CCDC85C: variants seen among roughly 807,000 people sequenced by gnomAD.
The protein encoded by CCDC85C is coiled-coil domain containing 85C, also known as coiled-coil domain-containing protein 85C.
CCDC85C carries 18 observed loss-of-function variants against 38.3 expected under a neutral mutation model. That is an observed-to-expected ratio of 0.47 (90% CI 0.33 to 0.70). CCDC85C has a LOEUF of 0.70. Ranked by LOEUF, CCDC85C falls within the 30% of genes least tolerant of loss-of-function variation. CCDC85C has a pLI of 0.03. For missense variants in CCDC85C, 566 were observed against 621.2 expected (o/e 0.91, Z 0.94); for synonymous variants, 264 against 293.8 (o/e 0.90, Z 1.04).
At chr14:99,581,472 C>A (rs761840723) in intron 1 of CCDC85C, among the ~76,000 whole-genome samples, 6 of 152,254 alleles carry the variant, frequency 3.9e-5, no homozygotes, top group South Asian at 4.1e-4. Context: ...TCGCTCCCCC[C>A]ACCCATGGTC....
At chr14:99,562,877 GCACA>G (rs149834853) in intron 1 of CCDC85C, among the ~76,000 whole-genome samples, 10 of 151,106 alleles carry the variant, frequency 6.6e-5, no homozygotes, top group Admixed American at 2.6e-4. Flanking sequence ...ACACCCATAT[GCACA>G]CACACACACA....
Position 99,511,525 on chromosome 14 carries a change from T to C in CCDC85C, c.*3721A>G, listed in dbSNP as rs1292443180. Reference sequence around the variant, plus strand: ...AGCAGTTCTGAAACTATCCCTTTCTTTGTTATGGGTGGAAGGTGGGGCTCC... The same window carrying C: ...AGCAGTTCTGAAACTATCCCTTTCTCTGTTATGGGTGGAAGGTGGGGCTCC... On this transcript the variant is annotated 3_prime_UTR_variant, in exon 6 of 6. Transcript: ENST00000380243. 6.6e-6 allele frequency: 1 copy of C among 152,586 alleles called. No individual in the cohort carries two copies. Among genetic ancestry groups the C allele is most frequent in the Non-Finnish European group, 1.5e-5 (1 of 68,038 alleles). The allele number at this position is 152,586 out of a possible 1,614,324, so 9.5% of individuals were successfully genotyped here.
At chr14:99,526,529 AC>A (rs1198569970) in intron 2 of CCDC85C, among the ~76,000 whole-genome samples, 1 of 152,082 alleles carries the variant, frequency 6.6e-6, no homozygotes, top group African/African-American at 2.4e-5. Context: ...GAGAGGTGAG[AC>A]CCAGGGAGCA....
chr14:99,561,860 G>A (rs566932622), intron 1 of CCDC85C, among the ~76,000 whole-genome samples: 26 of 152,316 alleles, frequency 1.7e-4, no homozygotes, highest in African/African-American at 5.5e-4. Flanking sequence ...CCTGCGCTAC[G>A]GCGTTGGTGA....
Position 99,513,943 on chromosome 14 carries a change from A to C in CCDC85C, c.*1303T>G, listed in dbSNP as rs1314011577. 6.6e-6 allele frequency: 1 copy of C among 152,260 alleles called. No homozygotes were observed. Among genetic ancestry groups the C allele is most frequent in the Non-Finnish European group, 1.5e-5 (1 of 68,078 alleles). The allele number at this position is 152,260 out of a possible 1,614,324, so 9.4% of individuals were successfully genotyped here. ...CTTTACAGTTTATACATGGTCATTTACACTGAAGATCTCACTTGATGCCAG... is the reference window on the plus strand; with the variant it reads ...CTTTACAGTTTATACATGGTCATTTCCACTGAAGATCTCACTTGATGCCAG... On this transcript the variant is annotated 3_prime_UTR_variant, in exon 6 of 6. Transcript: ENST00000380243.
In CCDC85C at chr14:99,534,604, C is replaced by A. The variant is rs148568089; in HGVS notation, c.867+1411G>T. The A allele has an allele frequency of 1.8e-3, 1,297 of 702,186 alleles. 10 individuals are homozygous for A. In the African/African-American group the frequency reaches 0.02, roughly 11 times the overall value. The allele number at this position is 702,186 out of a possible 1,614,324, so 43.5% of individuals were successfully genotyped here. ...CCTCTCCTACACACTGCATGGGGAC[C>A]TTCTCCAAAGCAAAGGTCCCTAAGC... On this transcript the variant is annotated intron_variant, in intron 2 of 5. Coordinates refer to ENST00000380243, the MANE Select transcript of CCDC85C (RefSeq NM_001144995.2).
chr14:99,514,421 CAT>C lies in CCDC85C; in HGVS notation c.*823_*824del, dbSNP rs1443599051. On this transcript the variant is annotated 3_prime_UTR_variant, in exon 6 of 6. Transcript: ENST00000380243. ...CCAGTGCTGCCCATCAGGAAAATCA[CAT>C]GTGGCTCAGCCCAGAAACTCTCCCC... The C allele has an allele frequency of 6.6e-6, 1 of 152,430 alleles. No individual in the cohort carries two copies. The highest frequency in any genetic ancestry group is 1.5e-5 in the Non-Finnish European group (1 of 68,192). The allele number at this position is 152,430 out of a possible 1,614,324, so 9.4% of individuals were successfully genotyped here. A position where few individuals can be genotyped will look rare whatever the true frequency, so the allele number is the denominator to read the frequency against.
At chr14:99,547,643 G>A (rs1034290143) in intron 1 of CCDC85C, among the ~76,000 whole-genome samples, 10 of 151,862 alleles carry the variant, frequency 6.6e-5, no homozygotes, top group African/African-American at 1.7e-4. Context: ...GTATGGTGGC[G>A]GGCACCTGTA....
chr14:99,590,134 C>T (rs1451340787), intron 1 of CCDC85C, among the ~76,000 whole-genome samples: 1 of 152,228 alleles, frequency 6.6e-6, no homozygotes, highest in African/African-American at 2.4e-5. Context: ...AGAGTCTCTG[C>T]AGATCAGAGC....
intron 1 of CCDC85C, among the ~76,000 whole-genome samples, chr14:99,573,490 G>A (rs556071296): frequency 1.1e-4 from 16 of 152,292 alleles, no homozygotes; most frequent in African/African-American, 1.7e-4. Context: ...TTTGAGGTCC[G>A]GCGCTCCTCC....
At chr14:99,579,928 G>T in intron 1 of CCDC85C, 1 of 345,170 alleles carries the variant, frequency 2.9e-6, no homozygotes, top group South Asian at 2.0e-5. Flanking sequence ...CCCCCGTCTG[G>T]CTCAGTCCAA....
chr14:99,516,398 T>G lies in CCDC85C; in HGVS notation c.1072-112A>C. ...TGCTGCGAACCAAAGCTGAGGACCC[T>G]GAGCCGCTGGGCCCCTGGGGACAAG... On this transcript the variant is annotated intron_variant, in intron 4 of 5. Transcript: ENST00000380243. The surrounding 1 kb of genome is among the most constrained non-coding windows in gnomAD (Gnocchi z 5.5). The G allele has an allele frequency of 1.3e-6, 1 of 756,550 alleles. No homozygotes were observed. Among genetic ancestry groups the G allele is most frequent in the Non-Finnish European group, 2.2e-6 (1 of 452,138 alleles). The allele number at this position is 756,550 out of a possible 1,614,324, so 46.9% of individuals were successfully genotyped here. A position where few individuals can be genotyped will look rare whatever the true frequency, so the allele number is the denominator to read the frequency against.
intron 1 of CCDC85C, among the ~76,000 whole-genome samples, chr14:99,547,204 T>C (rs1245237386): frequency 6.6e-6 from 1 of 151,884 alleles, no homozygotes; most frequent in Non-Finnish European, 1.5e-5. Context: ...CTAAAAATCA[T>C]AAAATAATAA....
intron 1 of CCDC85C, among the ~76,000 whole-genome samples, chr14:99,597,451 G>C (rs1368940763): frequency 1.3e-5 from 2 of 152,092 alleles, no homozygotes; most frequent in African/African-American, 4.8e-5. Flanking sequence ...GAGCTGTCTG[G>C]GGTGTCCACA....
At chr14:99,535,000 T>G in intron 2 of CCDC85C, 1 of 410,906 alleles carries the variant, frequency 2.4e-6, no homozygotes, top group Non-Finnish European at 4.5e-6. Context: ...CCTGGGAACC[T>G]TCCCCACAGC....
chr14:99,547,473 T>C lies in CCDC85C; in HGVS notation c.794-11385A>G, dbSNP rs931516609. Among the ~76,000 whole-genome samples, 4 of 152,054 alleles carry C rather than the reference T, an allele frequency of 2.6e-5. No individual in the cohort carries two copies. In the East Asian group the frequency reaches 5.8e-4, roughly 22 times the overall value. On this transcript the variant is annotated intron_variant, in intron 1 of 5. Coordinates refer to ENST00000380243, the MANE Select transcript of CCDC85C (RefSeq NM_001144995.2). ...TGATAAGTGTGCAACTCTGCGACTA[T>C]ACTGAAAACCACTGGATTGGCTGGG...
chr14:99,586,358 G>A (rs998903230), intron 1 of CCDC85C, among the ~76,000 whole-genome samples: 3 of 152,224 alleles, frequency 2.0e-5, no homozygotes, highest in Non-Finnish European at 2.9e-5. Context: ...CACAGGCAGC[G>A]GCACTGCTGA....
intron 1 of CCDC85C, among the ~76,000 whole-genome samples, chr14:99,568,090 AG>A (rs1328409833): frequency 1.3e-5 from 2 of 151,844 alleles, no homozygotes; most frequent in Non-Finnish European, 2.9e-5. Flanking sequence ...TGGTCCCTTT[AG>A]GCAGAGAGGC....
chr14:99,516,410 C>T lies in CCDC85C; in HGVS notation c.1072-124G>A, dbSNP rs1402685087. The T allele has an allele frequency of 4.4e-5, 30 of 680,536 alleles. No homozygotes were observed. Among genetic ancestry groups the T allele is most frequent in the South Asian group, 3.9e-4 (22 of 56,848 alleles). The allele number at this position is 680,536 out of a possible 1,614,324, so 42.2% of individuals were successfully genotyped here. On this transcript the variant is annotated intron_variant, in intron 4 of 5. Coordinates refer to ENST00000380243, the MANE Select transcript of CCDC85C (RefSeq NM_001144995.2). The surrounding 1 kb of genome is among the most constrained non-coding windows in gnomAD (Gnocchi z 5.5). Reference sequence around the variant, plus strand: ...AAGCTGAGGACCCTGAGCCGCTGGGCCCCTGGGGACAAGCGTGGAAAAAAC... The same window carrying T: ...AAGCTGAGGACCCTGAGCCGCTGGGTCCCTGGGGACAAGCGTGGAAAAAAC...
Sources: gnomAD v4.1 joint callset for allele counts (sites outside exome capture counted in the v4.1 genomes callset) on GRCh38, gnomAD v4.1.1 for gene constraint, Gnocchi (gnomAD v3.1) non-coding constraint, MANE v1.5 for transcripts, NCBI Gene and HGNC (gene_info 2026-07-23, HGNC 2026-07-21) for gene names.